Variants in GSE1 observed in about 807,000 individuals in gnomAD.
GSE1 encodes the protein genetic suppressor element 1.
GSE1 carries 32 observed loss-of-function variants against 112.6 expected under a neutral mutation model. The ratio of observed to expected loss-of-function variants is 0.28; its 90% confidence interval spans 0.21 to 0.38. The LOEUF (loss-of-function observed/expected upper bound fraction) is 0.38. Among genes scored for constraint, GSE1 ranks in the 10% least tolerant of loss-of-function variants. GSE1 has a pLI of 1.00. For synonymous variants in GSE1, 1,115 were observed against 735.6 expected, an observed-to-expected ratio of 1.52 and a Z score of -8.35; for missense variants, 2,348 against 1,699.2, an observed-to-expected ratio of 1.38 and a Z score of -6.71.
chr16:85,307,769 A>G (rs1000016207), intron 1 of GSE1, among the ~76,000 whole-genome samples: 3 of 152,138 alleles, frequency 2.0e-5, no homozygotes, highest in African/African-American at 7.2e-5. Context: ...CCCACCATGA[A>G]TCTTATCATT....
intron 2 of GSE1, among the ~76,000 whole-genome samples, chr16:85,535,455 C>T (rs1055034312): frequency 6.6e-6 from 1 of 152,248 alleles, no homozygotes; most frequent in Non-Finnish European, 1.5e-5. Context: ...TTTACAGACA[C>T]CCTCAGCCTG....
At chr16:85,464,605 C>T (rs2050073137) in intron 2 of GSE1, among the ~76,000 whole-genome samples, 1 of 152,204 alleles carries the variant, frequency 6.6e-6, no homozygotes, top group Non-Finnish European at 1.5e-5. Flanking sequence ...ATGCCGGTTG[C>T]ACAGGGTACT....
At chr16:85,343,114 T>C (rs2151543697) in intron 1 of GSE1, among the ~76,000 whole-genome samples, 1 of 151,964 alleles carries the variant, frequency 6.6e-6, no homozygotes, top group Middle Eastern at 3.4e-3. Context: ...AAACCCAAAA[T>C]CAGCAAGCAG....
intron 1 of GSE1, among the ~76,000 whole-genome samples, chr16:85,268,086 A>G (rs1418266052): frequency 6.6e-6 from 1 of 152,046 alleles, no homozygotes; most frequent in Non-Finnish European, 1.5e-5. Context: ...GGGGTTCACT[A>G]TGCCCACTGC....
At chr16:85,245,420 C>G (rs1195131581) in intron 1 of GSE1, among the ~76,000 whole-genome samples, 2 of 152,110 alleles carry the variant, frequency 1.3e-5, no homozygotes, top group African/African-American at 4.8e-5. Context: ...TCCACCTGGT[C>G]CAGGGGCAGA....
At chr16:85,516,856 G>A (rs2051961637) in intron 2 of GSE1, among the ~76,000 whole-genome samples, 1 of 149,662 alleles carries the variant, frequency 6.7e-6, no homozygotes, top group South Asian at 2.1e-4. Flanking sequence ...GGAGTGCAGT[G>A]GCGTGATCTC....
intron 1 of GSE1, among the ~76,000 whole-genome samples, chr16:85,342,953 G>T (rs2046656402): frequency 6.6e-6 from 1 of 151,904 alleles, no homozygotes; most frequent in Non-Finnish European, 1.5e-5. Flanking sequence ...AGAAAGCCGG[G>T]CACAGGCTCT....
At chr16:85,326,952 C>G (rs1269448414) in intron 1 of GSE1, among the ~76,000 whole-genome samples, 1 of 152,248 alleles carries the variant, frequency 6.6e-6, no homozygotes, top group Non-Finnish European at 1.5e-5. Flanking sequence ...GCTCACAGGT[C>G]TGTGATTTGC....
Position 85,387,334 on chromosome 16 carries a change from C to T in GSE1, c.2464+29691C>T, listed in dbSNP as rs947277736. Among the ~76,000 whole-genome samples, 15 of 152,318 alleles carry T rather than the reference C, an allele frequency of 9.8e-5. No individual in the cohort carries two copies. In the East Asian group the frequency reaches 1.5e-3, roughly 16 times the overall value. ...AGGCTGTGGAACGCTGGGAGTGCTG[C>T]GAGGTCTGGCCTCAGCCTCCCTCCT... On this transcript the variant is annotated intron_variant, in intron 2 of 2. Transcript: ENST00000637419.
chr16:85,407,959 C>T (rs371237565), intron 2 of GSE1, among the ~76,000 whole-genome samples: 1 of 56,386 alleles, frequency 1.8e-5, no homozygotes, highest in South Asian at 8.8e-4. Context: ...CACCGTTACA[C>T]TCAGGGTCCC....
chr16:85,276,356 G>T (rs1258402167), intron 1 of GSE1, among the ~76,000 whole-genome samples: 1 of 152,186 alleles, frequency 6.6e-6, no homozygotes, highest in Non-Finnish European at 1.5e-5. Context: ...TGCCCCAGGA[G>T]CCTCAGAGCT....
intron 2 of GSE1, among the ~76,000 whole-genome samples, chr16:85,547,415 G>T (rs1342990386): frequency 2.6e-5 from 4 of 152,150 alleles, no homozygotes; most frequent in Non-Finnish European, 5.9e-5. Context: ...TCGGCTTGTG[G>T]CCATATCACG....
chr16:85,369,226 T>TC (rs1366956090), intron 2 of GSE1, among the ~76,000 whole-genome samples: 2 of 27,706 alleles, frequency 7.2e-5, no homozygotes, highest in Non-Finnish European at 3.2e-4. Flanking sequence ...TGCTGCTGCC[T>TC]TTTTTTTGAG....
In GSE1 at chr16:85,278,083, G is replaced by T. The variant is rs1010872012; in HGVS notation, c.2284-79380G>T. Among the ~76,000 whole-genome samples the T allele has an allele frequency of 5.9e-5, 9 of 152,268 alleles. No homozygotes were observed. In the East Asian group the frequency reaches 7.7e-4, roughly 13 times the overall value. ...ACCTCACAGCTGTCCCGCGAGGAAG[G>T]TCACGGGCATGGCCCCGTTTTACAG... On this transcript the variant is annotated intron_variant, in intron 1 of 2. Transcript: ENST00000637419.
chr16:85,437,587 C>T (rs115920020), intron 2 of GSE1, among the ~76,000 whole-genome samples: 43 of 152,138 alleles, frequency 2.8e-4, no homozygotes, highest in African/African-American at 1.0e-3. Context: ...GCCACATGCT[C>T]GGGGGATTGG....
chr16:85,482,338 C>T (rs962880528), intron 2 of GSE1, among the ~76,000 whole-genome samples: 4 of 152,200 alleles, frequency 2.6e-5, no homozygotes, highest in East Asian at 3.9e-4. Flanking sequence ...TGGAGGAGGG[C>T]GTGGGTGCTT....
intron 2 of GSE1, among the ~76,000 whole-genome samples, chr16:85,438,922 G>A (rs900765): frequency 0.39 from 59,179 of 152,064 alleles, 13,030 homozygotes; most frequent in Non-Finnish European, 0.49. Context: ...GGATCCCCCC[G>A]CGGCCTCCTG....
chr16:85,510,988 C>T (rs958963916), intron 2 of GSE1, among the ~76,000 whole-genome samples: 1 of 152,222 alleles, frequency 6.6e-6, no homozygotes, highest in Non-Finnish European at 1.5e-5. Flanking sequence ...TTTATTTTTC[C>T]ACTTGCATGC....
Position 85,654,535 on chromosome 16 carries a change from T to C in GSE1, c.599+85T>C, listed in dbSNP as rs1598614588. On this transcript the variant is annotated intron_variant, in intron 4 of 15. Transcript: ENST00000253458. ...CTGGGTCCCCAGGCAGCCTGCGGTC[T>C]GCACAGATGAGGCTGTGCCTGCTAG... 3 of 1,195,278 alleles carry C rather than the reference T, an allele frequency of 2.5e-6. No individual in the cohort carries two copies. The Admixed American group carries it at 6.4e-5, about 25-fold the overall frequency. The allele number at this position is 1,195,278 out of a possible 1,614,324, so 74.0% of individuals were successfully genotyped here.
Sources: allele counts gnomAD v4.1 joint callset (sites outside exome capture counted in the v4.1 genomes callset), GRCh38; gene constraint gnomAD v4.1.1; transcripts MANE v1.5; gene names NCBI Gene and HGNC (gene_info 2026-07-23, HGNC 2026-07-21).